CNTNAP5: variants seen among roughly 807,000 people sequenced by gnomAD.
CNTNAP5 encodes the protein contactin associated protein family member 5.
In CNTNAP5, 72 loss-of-function variants were observed where a neutral mutation model predicts 150.2. That is an observed-to-expected ratio of 0.48 (90% confidence interval 0.40 to 0.58). The LOEUF is 0.58. Among genes scored for constraint, CNTNAP5 ranks in the 20% least tolerant of loss-of-function variants. CNTNAP5 has a pLI of 0.00. For missense variants in CNTNAP5, 1,636 were observed against 1,626.2 expected (o/e 1.01, Z -0.10); for synonymous variants, 672 against 619.8 (o/e 1.08, Z -1.25).
At chr2:124,490,742 A>G (rs138896064) in intron 7 of CNTNAP5, among the ~76,000 whole-genome samples, 2,808 of 152,208 alleles carry the variant, frequency 0.018, 34 homozygotes, top group South Asian at 0.031. Context: ...TTCATATAAA[A>G]GTAAAATAAT....
intron 19 of CNTNAP5, among the ~76,000 whole-genome samples, chr2:124,804,576 C>T (rs1682042056): frequency 6.6e-6 from 1 of 152,016 alleles, no homozygotes; most frequent in Admixed American, 6.6e-5. Flanking sequence ...GGATTAGTGT[C>T]CTTAAAGCAG....
chr2:124,632,156 G>A (rs1457142709), intron 12 of CNTNAP5, among the ~76,000 whole-genome samples: 1 of 152,060 alleles, frequency 6.6e-6, no homozygotes, highest in Non-Finnish European at 1.5e-5. Context: ...ATTCCTCAAA[G>A]ACTTAGAACT....
intron 11 of CNTNAP5, among the ~76,000 whole-genome samples, chr2:124,583,473 G>A (rs1696460075): frequency 6.6e-6 from 1 of 152,160 alleles, no homozygotes; most frequent in South Asian, 2.1e-4. Context: ...GAAGGGCAGG[G>A]GAAAGAGACA....
At chr2:124,523,665 A>T (rs1694900434) in intron 8 of CNTNAP5, among the ~76,000 whole-genome samples, 1 of 152,178 alleles carries the variant, frequency 6.6e-6, no homozygotes, top group South Asian at 2.1e-4. Context: ...TTTAACAATA[A>T]TAAGGAATAG....
intron 3 of CNTNAP5, among the ~76,000 whole-genome samples, chr2:124,407,318 T>G (rs2104764603): frequency 6.6e-6 from 1 of 152,362 alleles, no homozygotes; most frequent in South Asian, 2.1e-4. Context: ...TAATAAATTA[T>G]TTATTTTGTT....
intron 12 of CNTNAP5, among the ~76,000 whole-genome samples, chr2:124,613,892 C>G (rs1558704780): frequency 6.6e-6 from 1 of 152,142 alleles, no homozygotes; most frequent in South Asian, 2.1e-4. Flanking sequence ...CCTCCGCACA[C>G]TTTTGACGGG....
chr2:124,222,767 A>G (rs1052490812), intron 2 of CNTNAP5, among the ~76,000 whole-genome samples: 3 of 150,598 alleles, frequency 2.0e-5, no homozygotes, highest in Non-Finnish European at 4.4e-5. Context: ...TTAATTTGTT[A>G]ACACTTGAAT....
At chr2:124,854,597 G>A (rs998004190) in intron 19 of CNTNAP5, among the ~76,000 whole-genome samples, 1 of 152,198 alleles carries the variant, frequency 6.6e-6, no homozygotes, top group Admixed American at 6.5e-5. Flanking sequence ...ACACCAGCAG[G>A]CATTGAATAA....
chr2:124,461,925 G>T (rs1288241258), intron 6 of CNTNAP5, among the ~76,000 whole-genome samples: 3 of 148,520 alleles, frequency 2.0e-5, no homozygotes, highest in African/African-American at 7.4e-5. Flanking sequence ...AAAAACTGAA[G>T]ATTAAAATAT....
intron 3 of CNTNAP5, among the ~76,000 whole-genome samples, chr2:124,291,260 T>G (rs1044388474): frequency 2.0e-5 from 3 of 152,138 alleles, no homozygotes; most frequent in African/African-American, 7.2e-5. Context: ...TAAATTACTG[T>G]TAAAATTTTG....
chr2:124,510,490 T>C (rs893102828), intron 8 of CNTNAP5, among the ~76,000 whole-genome samples: 2 of 32,264 alleles, frequency 6.2e-5, no homozygotes, highest in African/African-American at 1.2e-4. Context: ...TATATATATA[T>C]ATATATATAT....
At chr2:124,304,399 C>A (rs1688631682) in intron 3 of CNTNAP5, among the ~76,000 whole-genome samples, 1 of 147,990 alleles carries the variant, frequency 6.8e-6, no homozygotes, top group Non-Finnish European at 1.5e-5. Context: ...GTAGACTCTG[C>A]AAGAAAACAG....
chr2:124,787,150 C>G (rs1297045348), intron 17 of CNTNAP5, among the ~76,000 whole-genome samples: 1 of 152,158 alleles, frequency 6.6e-6, no homozygotes, highest in Non-Finnish European at 1.5e-5. Flanking sequence ...ATAGATCTTG[C>G]ATTCTTCACT....
chr2:124,239,092 G>C (rs1306757791), intron 2 of CNTNAP5, among the ~76,000 whole-genome samples: 1 of 152,130 alleles, frequency 6.6e-6, no homozygotes, highest in East Asian at 1.9e-4. Flanking sequence ...TTAATTTGGG[G>C]GAGATTAATA....
At chr2:124,587,335 T>C (rs75054100) in intron 11 of CNTNAP5, among the ~76,000 whole-genome samples, 1 of 152,198 alleles carries the variant, frequency 6.6e-6, no homozygotes, top group African/African-American at 2.4e-5. Flanking sequence ...CAATGACAGA[T>C]GCATTTAAGG....
intron 13 of CNTNAP5, among the ~76,000 whole-genome samples, chr2:124,720,161 C>T (rs1417858035): frequency 3.9e-5 from 6 of 152,270 alleles, no homozygotes; most frequent in South Asian, 2.1e-4. Context: ...TGAATTCTCA[C>T]GGTGACCCCA....
intron 14 of CNTNAP5, among the ~76,000 whole-genome samples, chr2:124,761,213 C>T (rs1320267945): frequency 7.2e-5 from 11 of 152,102 alleles, no homozygotes; most frequent in Admixed American, 3.3e-4. Context: ...TGACGATCAC[C>T]ACTACCATCA....
rs74523847 is a variant in CNTNAP5 at position 124,380,498 on chromosome 2, T to A, written c.382-36945T>A. Among the ~76,000 whole-genome samples, 125 of 152,324 alleles carry A rather than the reference T, an allele frequency of 8.2e-4. 2 individuals are homozygous for A. The East Asian group carries it at 0.021, about 26-fold the overall frequency. ...GGAAATCACAGGAGCCTAGCCTAAG[T>A]CCATTCTGTCTCCATCAAATAAGCA... On this transcript the variant is annotated intron_variant, in intron 3 of 23. Transcript: ENST00000682447.
intron 7 of CNTNAP5, among the ~76,000 whole-genome samples, chr2:124,492,641 T>C (rs1020506458): frequency 2.6e-5 from 4 of 152,230 alleles, no homozygotes; most frequent in Admixed American, 6.5e-5. Flanking sequence ...ATAGGGATTA[T>C]ATTAAATATA....
Sources: allele counts gnomAD v4.1 joint callset (sites outside exome capture counted in the v4.1 genomes callset), GRCh38; gene constraint gnomAD v4.1.1; transcripts MANE v1.5; gene names NCBI Gene and HGNC (gene_info 2026-07-23, HGNC 2026-07-21).